The following MC2R variants were observed in gnomAD, a reference collection of about 807,000 sequenced individuals.
The protein encoded by MC2R is melanocortin 2 receptor.
In MC2R, 9 loss-of-function variants were observed where a neutral mutation model predicts 9.8. The observed-to-expected ratio is 0.92, with a 90% CI of 0.55 to 1.60. The LOEUF (loss-of-function observed/expected upper bound fraction) is 1.60. Ranked by LOEUF, MC2R falls within the 40% of genes most tolerant of loss-of-function variation. The pLI is 0.00. For missense variants in MC2R, 370 were observed against 389.0 expected (o/e 0.95, Z 0.41); for synonymous variants, 185 against 154.7 (o/e 1.20, Z -1.45).
At chr18:13,907,912 C>T (rs1031635901) in intron 1 of MC2R, among the ~76,000 whole-genome samples, 1 of 152,086 alleles carries the variant, frequency 6.6e-6, no homozygotes, top group Non-Finnish European at 1.5e-5. Flanking sequence ...GAAAGAGGAA[C>T]CCCCGTACAC....
At chr18:13,913,177 C>T (rs1567904443) in intron 1 of MC2R, among the ~76,000 whole-genome samples, 2 of 105,620 alleles carry the variant, frequency 1.9e-5, no homozygotes, top group Non-Finnish European at 3.7e-5. Flanking sequence ...GGCATGAAGC[C>T]CAGGCTGGAG....
chr18:13,895,255 G>C (rs1286625927), intron 1 of MC2R, among the ~76,000 whole-genome samples: 1 of 152,168 alleles, frequency 6.6e-6, no homozygotes, highest in Non-Finnish European at 1.5e-5. Flanking sequence ...ATATATCAGA[G>C]CTTACATTTC....
At chr18:13,909,669 T>C (rs2045433479) in intron 1 of MC2R, among the ~76,000 whole-genome samples, 1 of 152,352 alleles carries the variant, frequency 6.6e-6, no homozygotes, top group South Asian at 2.1e-4. Context: ...CTTAAATTGT[T>C]CCAACTTTGG....
chr18:13,893,454 T>C (rs1225160988), intron 1 of MC2R, among the ~76,000 whole-genome samples: 1 of 152,206 alleles, frequency 6.6e-6, no homozygotes. Context: ...AGCTGTGAAG[T>C]AGAAGGGTCT....
chr18:13,908,198 A>G (rs1274896232), intron 1 of MC2R, among the ~76,000 whole-genome samples: 1 of 152,206 alleles, frequency 6.6e-6, no homozygotes, highest in African/African-American at 2.4e-5. Flanking sequence ...TTCAACCATA[A>G]AGAATGAAAT....
chr18:13,885,015 G>A lies in MC2R; in HGVS notation c.504C>T (p.Phe168=). Residue 168 remains phenylalanine, a synonymous_variant, in exon 2 of 2, where the codon TTC becomes TTT. Coordinates refer to ENST00000327606, the MANE Select transcript of MC2R (RefSeq NM_000529.2). ...TGATCACTGTGGGCACATGATGGGA[G>A]AAGATCACCATGGTGATGCCAGTCC... ...CTGTGITMVI[F]SHHVPTVITF... is the part of the protein sequence containing the mutation. 1 of 1,614,202 alleles carries A rather than the reference G, an allele frequency of 6.2e-7. No homozygotes were observed. Among genetic ancestry groups the A allele is most frequent in the Non-Finnish European group, 8.5e-7 (1 of 1,180,042 alleles).
chr18:13,909,361 G>T (rs867750630), intron 1 of MC2R, among the ~76,000 whole-genome samples: 2 of 152,212 alleles, frequency 1.3e-5, no homozygotes, highest in Admixed American at 6.5e-5. Flanking sequence ...ACCTGGCTGA[G>T]TTCATGCTTG....
intron 1 of MC2R, among the ~76,000 whole-genome samples, chr18:13,903,282 G>T (rs1378812826): frequency 6.6e-6 from 1 of 152,144 alleles, no homozygotes; most frequent in Non-Finnish European, 1.5e-5. Flanking sequence ...AGAACAGTTT[G>T]GAGATTCCTT....
chr18:13,914,317 G>T (rs2045463814), intron 1 of MC2R, among the ~76,000 whole-genome samples: 1 of 152,214 alleles, frequency 6.6e-6, no homozygotes, highest in Admixed American at 6.5e-5. Context: ...CTGTCTGGGA[G>T]CTAGTGTGAA....
chr18:13,896,445 T>C (rs765046237), intron 1 of MC2R, among the ~76,000 whole-genome samples: 3 of 152,162 alleles, frequency 2.0e-5, no homozygotes, highest in Non-Finnish European at 4.4e-5. Flanking sequence ...AGAAGTACAA[T>C]GATTAAGCAA....
intron 1 of MC2R, among the ~76,000 whole-genome samples, chr18:13,905,355 G>A (rs1254175540): frequency 2.6e-5 from 4 of 151,874 alleles, no homozygotes; most frequent in African/African-American, 7.3e-5. Flanking sequence ...GCTTCGTGGC[G>A]TGTGCCTGTA....
At chr18:13,909,008 A>G (rs1319894028) in intron 1 of MC2R, among the ~76,000 whole-genome samples, 1 of 152,106 alleles carries the variant, frequency 6.6e-6, no homozygotes, top group Non-Finnish European at 1.5e-5. Flanking sequence ...ACTAAAGTCC[A>G]TGCTTTATTC....
rs1189436339 is a variant in MC2R, at chr18:13,883,910, A to G, written c.*715T>C. 1 of 154,004 alleles carries G rather than the reference A, an allele frequency of 6.5e-6. No individual in the cohort carries two copies. The highest frequency in any genetic ancestry group is 1.4e-5 in the Non-Finnish European group (1 of 69,238). The allele number at this position is 154,004 out of a possible 1,614,324, so 9.5% of individuals were successfully genotyped here. On this transcript the variant is annotated 3_prime_UTR_variant, in exon 2 of 2. Coordinates refer to ENST00000327606, the MANE Select transcript of MC2R (RefSeq NM_000529.2). ...AAGGCCAGTGGGATACTGAGTGAGCAAAGAAGACTAACAGAGAAGGTCCAT... is the reference window on the plus strand; with the variant it reads ...AAGGCCAGTGGGATACTGAGTGAGCGAAGAAGACTAACAGAGAAGGTCCAT...
At chr18:13,890,984 G>C (rs2045312546) in intron 1 of MC2R, among the ~76,000 whole-genome samples, 1 of 152,198 alleles carries the variant, frequency 6.6e-6, no homozygotes, top group African/African-American at 2.4e-5. Context: ...ATTGAGTAGG[G>C]CGGGTCTCAG....
Position 13,885,156 on chromosome 18 carries a change from C to T in MC2R, c.363G>A (p.Leu121=), listed in dbSNP as rs773205525. Residue 121 remains leucine, a synonymous_variant, in exon 2 of 2, where the codon CTG becomes CTA. Coordinates refer to ENST00000327606, the MANE Select transcript of MC2R (RefSeq NM_000529.2). ...TGTAGCGGTCCGCAGCAATCACAGA[C>T]AGGCTGAAGATGGAGCCAAGCAGGG... The part of the protein sequence containing the change: ...VLSLLGSIFS[L]SVIAADRYIT... 15 of 1,614,072 alleles carry T rather than the reference C, an allele frequency of 9.3e-6. No individual in the cohort carries two copies. Among genetic ancestry groups the T allele is most frequent in the Non-Finnish European group, 1.2e-5 (14 of 1,180,046 alleles).
At chr18:13,912,412 T>G (rs11877782) in intron 1 of MC2R, among the ~76,000 whole-genome samples, 3 of 151,766 alleles carry the variant, frequency 2.0e-5, no homozygotes, top group African/African-American at 7.3e-5. Context: ...CCAAAGAGCC[T>G]GAGAGGCTGA....
intron 1 of MC2R, among the ~76,000 whole-genome samples, chr18:13,891,318 T>G (rs1001686784): frequency 2.0e-5 from 3 of 152,270 alleles, no homozygotes; most frequent in Non-Finnish European, 4.4e-5. Flanking sequence ...CCCAAGTTAT[T>G]TAATCTATTC....
chr18:13,912,827 G>A (rs1413000056), intron 1 of MC2R, among the ~76,000 whole-genome samples: 1 of 152,194 alleles, frequency 6.6e-6, no homozygotes, highest in East Asian at 1.9e-4. Flanking sequence ...CGCTATGGTA[G>A]GCAATGGCTC....
At chr18:13,910,009 A>G (rs2045435785) in intron 1 of MC2R, among the ~76,000 whole-genome samples, 1 of 152,098 alleles carries the variant, frequency 6.6e-6, no homozygotes, top group South Asian at 2.1e-4. Flanking sequence ...AGTGTCATGG[A>G]GATTTTCTTC....
Sources: allele counts gnomAD v4.1 joint callset (sites outside exome capture counted in the v4.1 genomes callset), GRCh38; gene constraint gnomAD v4.1.1; transcripts MANE v1.5; gene names NCBI Gene and HGNC (gene_info 2026-07-23, HGNC 2026-07-21).